Variants in CFAP58 observed in about 807,000 individuals in gnomAD.
CFAP58 encodes cilia- and flagella-associated protein 58.
In CFAP58, 88 loss-of-function variants were observed where a neutral mutation model predicts 119.5. The ratio of observed to expected loss-of-function variants is 0.74; its 90% confidence interval spans 0.62 to 0.88. The LOEUF (loss-of-function observed/expected upper bound fraction) is 0.88. Ranked by LOEUF, CFAP58 falls within the 40% of genes least tolerant of loss-of-function variation. CFAP58 has a pLI of 0.00. For synonymous variants in CFAP58, 365 were observed against 366.3 expected (o/e 1.00, Z 0.04); for missense variants, 990 against 1,021.2 (o/e 0.97, Z 0.42).
chr10:104,399,249 ACAT>A (rs898413369), intron 11 of CFAP58, 108 bp from the exon 12 acceptor site: 17 of 1,130,178 alleles, frequency 1.5e-5, no homozygotes, highest in African/African-American at 4.7e-5. Context: ...GTTAAATGAA[ACAT>A]CAGAGGAAAG....
chr10:104,393,847 A>G (rs2012101845), intron 11 of CFAP58, among the ~76,000 whole-genome samples: 1 of 152,136 alleles, frequency 6.6e-6, no homozygotes, highest in African/African-American at 2.4e-5. Flanking sequence ...AAGTACAACC[A>G]TTGTGCTCAC....
At chr10:104,410,925 CTATT>C (rs1486928346) in intron 15 of CFAP58, among the ~76,000 whole-genome samples, 7 of 151,680 alleles carry the variant, frequency 4.6e-5, no homozygotes, top group Non-Finnish European at 8.8e-5. Flanking sequence ...AGCTTTATCT[CTATT>C]TATTTATTTA....
intron 15 of CFAP58, among the ~76,000 whole-genome samples, chr10:104,409,587 G>A (rs1000087210): frequency 2.4e-4 from 36 of 152,088 alleles, no homozygotes; most frequent in African/African-American, 8.5e-4. Context: ...TTGGAGATTT[G>A]TCTTATTTCT....
chr10:104,370,377 G>A (rs1052314903), intron 6 of CFAP58, among the ~76,000 whole-genome samples: 1 of 152,184 alleles, frequency 6.6e-6, no homozygotes, highest in Non-Finnish European at 1.5e-5. Context: ...ACATGGCTGG[G>A]GAGGCCTCAC....
intron 15 of CFAP58, among the ~76,000 whole-genome samples, chr10:104,427,429 T>C (rs1018249337): frequency 3.3e-5 from 5 of 152,194 alleles, no homozygotes; most frequent in Non-Finnish European, 7.4e-5. Context: ...TTTTTTTTTC[T>C]AGTTGACAAA....
At chr10:104,377,125 T>C (rs2011689230) in intron 8 of CFAP58, among the ~76,000 whole-genome samples, 1 of 152,252 alleles carries the variant, frequency 6.6e-6, no homozygotes, top group Non-Finnish European at 1.5e-5. Flanking sequence ...AGAATTAGCA[T>C]ATAAGCCAGG....
intron 3 of CFAP58, among the ~76,000 whole-genome samples, chr10:104,364,231 T>C (rs867561613): frequency 3.9e-5 from 6 of 152,202 alleles, no homozygotes; most frequent in Middle Eastern, 3.2e-3. Context: ...CCAGTGGATA[T>C]ATTAAACAAA....
intron 15 of CFAP58, among the ~76,000 whole-genome samples, chr10:104,436,734 A>G (rs2012941234): frequency 1.3e-5 from 2 of 152,170 alleles, no homozygotes; most frequent in African/African-American, 4.8e-5. Context: ...GTCAGGGACA[A>G]ATATCGAAAC....
intron 9 of CFAP58, among the ~76,000 whole-genome samples, chr10:104,389,864 T>C (rs1260870756): frequency 6.6e-6 from 1 of 152,148 alleles, no homozygotes; most frequent in Non-Finnish European, 1.5e-5. Flanking sequence ...AAAAGAAAGA[T>C]ATAGGCCTAG....
chr10:104,354,440 C>T (rs1475180805), intron 1 of CFAP58, among the ~76,000 whole-genome samples: 1 of 152,094 alleles, frequency 6.6e-6, no homozygotes, highest in Non-Finnish European at 1.5e-5. Flanking sequence ...CCTGTGTTAA[C>T]ATCTCGTATC....
At chr10:104,382,548 A>C (rs1413230605) in intron 9 of CFAP58, among the ~76,000 whole-genome samples, 1 of 152,186 alleles carries the variant, frequency 6.6e-6, no homozygotes, top group Non-Finnish European at 1.5e-5. Flanking sequence ...AGCATATATA[A>C]AAAATTACAT....
chr10:104,344,292 TATTC>T, the CFAP58 span, among the ~76,000 whole-genome samples: 5 of 152,248 alleles, frequency 3.3e-5, no homozygotes, highest in Non-Finnish European at 4.4e-5. Flanking sequence ...TTAATTCACT[TATTC>T]ATTCATCCAT....
the CFAP58 span, among the ~76,000 whole-genome samples, chr10:104,345,007 G>A: frequency 6.6e-6 from 1 of 151,948 alleles, no homozygotes; most frequent in Admixed American, 6.6e-5. Context: ...AATTAGCCGG[G>A]CATGGTGGCA....
At chr10:104,347,451 T>C in the CFAP58 span, among the ~76,000 whole-genome samples, 1 of 152,086 alleles carries the variant, frequency 6.6e-6, no homozygotes, top group Non-Finnish European at 1.5e-5. Context: ...CTCTGCTCTG[T>C]CATCTAAGGT....
At chr10:104,359,062 AC>A (rs2014634081) in intron 2 of CFAP58, among the ~76,000 whole-genome samples, 1 of 152,074 alleles carries the variant, frequency 6.6e-6, no homozygotes, top group Non-Finnish European at 1.5e-5. Flanking sequence ...TCTTCCTAGC[AC>A]CCCTTTTCTT....
intron 3 of CFAP58, 80 bp from the exon 4 acceptor site, chr10:104,364,653 G>C: frequency 7.5e-7 from 1 of 1,329,144 alleles, no homozygotes; most frequent in Non-Finnish European, 1.0e-6. Flanking sequence ...TCTTTCCCAT[G>C]AAAATGAACT....
At chr10:104,438,292 A>G (rs577087411) in intron 15 of CFAP58, among the ~76,000 whole-genome samples, 1 of 150,646 alleles carries the variant, frequency 6.6e-6, no homozygotes, top group Admixed American at 6.6e-5. Context: ...ACACTCAGCA[A>G]TGGCAAGTAT....
chr10:104,370,034 T>C (rs901128617), intron 6 of CFAP58, among the ~76,000 whole-genome samples: 2 of 152,186 alleles, frequency 1.3e-5, no homozygotes, highest in African/African-American at 4.8e-5. Flanking sequence ...TATCCATATG[T>C]ATACCTAGAG....
At chr10:104,398,876 T>C (rs1253309817) in intron 11 of CFAP58, among the ~76,000 whole-genome samples, 1 of 152,234 alleles carries the variant, frequency 6.6e-6, no homozygotes, top group Non-Finnish European at 1.5e-5. Context: ...TAGACAGTTA[T>C]TATCTTTGAC....
Sources: allele counts gnomAD v4.1 joint callset (sites outside exome capture counted in the v4.1 genomes callset), GRCh38; gene constraint gnomAD v4.1.1; transcripts MANE v1.5; gene names NCBI Gene and HGNC (gene_info 2026-07-23, HGNC 2026-07-21).